Variants in MCU observed in about 807,000 individuals in gnomAD.
MCU encodes the protein mitochondrial calcium uniporter.
A neutral mutation model predicts 45.2 loss-of-function variants in MCU; 12 were observed. The observed-to-expected ratio is 0.27, with a 90% CI of 0.17 to 0.43. MCU has a LOEUF of 0.43. MCU is among the 20% of genes least tolerant of loss of function. MCU has a pLI of 1.00. For synonymous variants in MCU, 160 were observed against 165.1 expected, an observed-to-expected ratio of 0.97 and a Z score of 0.24; for missense variants, 324 against 436.7, an observed-to-expected ratio of 0.74 and a Z score of 2.30.
intron 4 of MCU, among the ~76,000 whole-genome samples, chr10:72,863,503 G>T (rs1402814328): frequency 6.6e-6 from 1 of 152,136 alleles, no homozygotes; most frequent in African/African-American, 2.4e-5. Context: ...GTTGATTGTT[G>T]AACAAAGCAG....
intron 1 of MCU, among the ~76,000 whole-genome samples, chr10:72,808,925 G>C (rs10823940): frequency 0.5 from 76,071 of 152,020 alleles, 21,638 homozygotes; most frequent in Non-Finnish European, 0.67. Flanking sequence ...CCGAAATTGG[G>C]AAGTAGAATT....
At chr10:72,851,029 T>A (rs1184127785) in intron 2 of MCU, among the ~76,000 whole-genome samples, 1 of 152,230 alleles carries the variant, frequency 6.6e-6, no homozygotes, top group Non-Finnish European at 1.5e-5. Flanking sequence ...TAGTTATTCC[T>A]GAGTTGCAAA....
At chr10:72,783,613 TTC>T (rs556977004) in intron 1 of MCU, among the ~76,000 whole-genome samples, 42 of 152,204 alleles carry the variant, frequency 2.8e-4, no homozygotes, top group Admixed American at 6.5e-4. Flanking sequence ...AAGTTAAACC[TTC>T]CAGGATAAAG....
At chr10:72,717,615 C>T (rs1051396033) in intron 1 of MCU, among the ~76,000 whole-genome samples, 13 of 151,984 alleles carry the variant, frequency 8.6e-5, no homozygotes, top group African/African-American at 3.1e-4. Flanking sequence ...GAAAGGTTGG[C>T]TTAGATGGAA....
chr10:72,811,441 T>TA (rs1449106743), intron 1 of MCU, among the ~76,000 whole-genome samples: 8 of 152,236 alleles, frequency 5.3e-5, no homozygotes, highest in African/African-American at 1.9e-4. Context: ...ATATAACCAA[T>TA]AGACTTGGTC....
intron 1 of MCU, among the ~76,000 whole-genome samples, chr10:72,786,335 G>A (rs1844070911): frequency 6.6e-6 from 1 of 152,170 alleles, no homozygotes. Flanking sequence ...AGATATATTT[G>A]ATTTCAGATC....
chr10:72,695,666 A>G (rs1842676692), intron 1 of MCU, among the ~76,000 whole-genome samples: 1 of 151,838 alleles, frequency 6.6e-6, no homozygotes, highest in South Asian at 2.1e-4. Flanking sequence ...TCACTTGTTA[A>G]GTTATGTTTG....
rs903702663 is a variant in MCU at position 72,705,629 on chromosome 10, C to T, written c.150+13328C>T. Among the ~76,000 whole-genome samples, 3 of 151,820 alleles carry T rather than the reference C, an allele frequency of 2.0e-5. No individual in the cohort carries two copies. The East Asian group carries it at 5.8e-4, about 29-fold the overall frequency. On this transcript the variant is annotated intron_variant, in intron 1 of 7. Coordinates refer to ENST00000373053, the MANE Select transcript of MCU (RefSeq NM_138357.3). ...AGTCGGGAGTTCGAGACCAGCCTGA[C>T]CAACATGGAGAAACCCCATCTCTAC...
At chr10:72,805,547 G>A (rs1564562505) in intron 1 of MCU, among the ~76,000 whole-genome samples, 1 of 151,944 alleles carries the variant, frequency 6.6e-6, no homozygotes, top group African/African-American at 2.4e-5. Context: ...TCACCCGGCT[G>A]CCCTAGTATA....
intron 1 of MCU, among the ~76,000 whole-genome samples, chr10:72,769,126 G>A (rs1843770096): frequency 6.6e-6 from 1 of 152,124 alleles, no homozygotes; most frequent in Non-Finnish European, 1.5e-5. Context: ...CATTACAGGT[G>A]TGAGCCATCA....
intron 6 of MCU, among the ~76,000 whole-genome samples, chr10:72,876,921 G>GC (rs1205793973): frequency 7.5e-6 from 1 of 134,188 alleles, no homozygotes; most frequent in Non-Finnish European, 1.6e-5. Flanking sequence ...TCAAATCACA[G>GC]TTTTTTTTTT....
At chr10:72,707,606 GGT>G (rs373225323) in intron 1 of MCU, among the ~76,000 whole-genome samples, 64,573 of 134,716 alleles carry the variant, frequency 0.48, 16,036 homozygotes, top group Non-Finnish European at 0.61. Flanking sequence ...CGTGGTGAGT[GGT>G]GTGTGTGTGT....
chr10:72,743,569 T>A (rs1843367372), intron 1 of MCU, among the ~76,000 whole-genome samples: 3 of 151,974 alleles, frequency 2.0e-5, no homozygotes, highest in Admixed American at 2.0e-4. Context: ...ATTAGAAGCA[T>A]TTTTTTTCTG....
chr10:72,692,170 A>G lies in MCU; in HGVS notation c.19A>G (p.Arg7Gly), dbSNP rs770774614. 1.6e-6 allele frequency: 2 copies of G among 1,289,260 alleles called. No homozygotes were observed. The highest frequency in any genetic ancestry group is 9.9e-7 in the Non-Finnish European group (1 of 1,011,416). The allele number at this position is 1,289,260 out of a possible 1,614,324, so 79.9% of individuals were successfully genotyped here. ...TTGAGAGATGGCGGCCGCCGCAGGT[A>G]GATCGCTCCTGCTGCTCCTCTCCTC... MAAAAG[R>G]SLLLLLSSRG... Residue 7 changes from arginine to glycine, a missense_variant, in exon 1 of 8, where the codon AGA (arginine) becomes GGA (glycine). Physicochemically the swap from Arg to Gly is moderately radical, Grantham distance 125. Around this residue, in one of 4 missense-constraint regions of MCU, gnomAD observed 111 missense variants for 112.3 expected, o/e 0.99. Transcript: ENST00000373053.
chr10:72,862,776 A>C (rs1845398277), intron 4 of MCU, among the ~76,000 whole-genome samples: 1 of 152,106 alleles, frequency 6.6e-6, no homozygotes, highest in Non-Finnish European at 1.5e-5. Context: ...AATTGGGTTT[A>C]GGCCTGGTAA....
chr10:72,702,793 A>C (rs577722003), intron 1 of MCU, among the ~76,000 whole-genome samples: 81 of 152,262 alleles, frequency 5.3e-4, no homozygotes, highest in Admixed American at 1.3e-3. Flanking sequence ...CCTGGCCAAC[A>C]TGGTGAAACC....
intron 6 of MCU, among the ~76,000 whole-genome samples, chr10:72,879,489 G>A (rs1224652524): frequency 6.6e-6 from 1 of 152,140 alleles, no homozygotes; most frequent in Non-Finnish European, 1.5e-5. Flanking sequence ...TGTCATCTTA[G>A]ACTTCTATAC....
intron 1 of MCU, among the ~76,000 whole-genome samples, chr10:72,714,935 T>A (rs769902222): frequency 6.6e-6 from 1 of 152,232 alleles, no homozygotes; most frequent in African/African-American, 2.4e-5. Context: ...TAATTTTTTT[T>A]AAAAGTGCTC....
At chr10:72,867,304 TA>T (rs1406976532) in intron 4 of MCU, among the ~76,000 whole-genome samples, 1 of 151,938 alleles carries the variant, frequency 6.6e-6, no homozygotes, top group East Asian at 1.9e-4. Flanking sequence ...AAATTGTGCT[TA>T]AAAAAAATTG....
Sources: gnomAD v4.1 joint callset for allele counts (sites outside exome capture counted in the v4.1 genomes callset) on GRCh38, gnomAD v4.1.1 for gene constraint, gnomAD v4.1.1 regional missense constraint, MANE v1.5 for transcripts, NCBI Gene and HGNC (gene_info 2026-07-23, HGNC 2026-07-21) for gene names.